The following NEK11 variants were observed in gnomAD, a reference collection of about 807,000 sequenced individuals.
NEK11 encodes NIMA related kinase 11.
In NEK11, 72 loss-of-function variants were observed where a neutral mutation model predicts 80.7. That is an observed-to-expected ratio of 0.89 (90% CI 0.74 to 1.08). The LOEUF (loss-of-function observed/expected upper bound fraction) is 1.08. Among genes scored for constraint, NEK11 ranks in the 50% least tolerant of loss-of-function variants. NEK11 has a pLI of 0.00. For missense variants in NEK11, 764 were observed against 763.6 expected, an observed-to-expected ratio of 1.00 and a Z score of -0.01; for synonymous variants, 251 against 260.7, an observed-to-expected ratio of 0.96 and a Z score of 0.36.
At chr3:131,212,080 G>A (rs1017195074) in intron 14 of NEK11, among the ~76,000 whole-genome samples, 10 of 152,132 alleles carry the variant, frequency 6.6e-5, no homozygotes, top group African/African-American at 1.7e-4. Flanking sequence ...TTCTTCTCTC[G>A]TTTCTCCCCA....
At chr3:131,215,297 T>G (rs1311545747) in intron 14 of NEK11, among the ~76,000 whole-genome samples, 1 of 147,148 alleles carries the variant, frequency 6.8e-6, no homozygotes, top group South Asian at 2.2e-4. Flanking sequence ...GGGGAAGGGA[T>G]AGCATTAGGA....
intron 15 of NEK11, among the ~76,000 whole-genome samples, chr3:131,233,210 A>G (rs527467962): frequency 3.3e-5 from 5 of 152,250 alleles, no homozygotes; most frequent in Admixed American, 3.3e-4. Context: ...GTCAAGAGGG[A>G]GCGCAAGGTG....
At position 131,155,046 on chromosome 3, in the gene NEK11, G is replaced by T. The variant is rs1426121463; in HGVS notation, c.887G>T (p.Cys296Phe). 6.2e-7 allele frequency: 1 copy of T among 1,602,896 alleles called. No individual in the cohort carries two copies. Among genetic ancestry groups the T allele is most frequent in the African/African-American group, 1.3e-5 (1 of 74,716 alleles). Residue 296 changes from cysteine to phenylalanine, a missense_variant, in exon 10 of 18, where the codon TGT (cysteine) becomes TTT (phenylalanine). Transcript: ENST00000383366. Reference protein sequence around the residue: ...YLDEQLQNLMCRYSEMTLEDK... With the variant: ...YLDEQLQNLMFRYSEMTLEDK... ...TGATCTTTTTTTCAGAACCTAATGT[G>T]TAGATATTCAGAAATGACTCTGGAA...
intron 5 of NEK11, among the ~76,000 whole-genome samples, chr3:131,121,526 C>T (rs559647933): frequency 2.0e-5 from 3 of 152,294 alleles, no homozygotes; most frequent in South Asian, 2.1e-4. Context: ...CAGACAGGGA[C>T]GTTTAAGTCT....
intron 4 of NEK11, 93 bp downstream of exon 4, chr3:131,080,681 C>A: frequency 9.4e-7 from 1 of 1,067,828 alleles, no homozygotes; most frequent in Non-Finnish European, 1.3e-6. Context: ...CCAATTATCA[C>A]ACCATAAATT....
chr3:131,266,965 A>G (rs2096070999), intron 16 of NEK11, among the ~76,000 whole-genome samples: 1 of 151,908 alleles, frequency 6.6e-6, no homozygotes, highest in African/African-American at 2.4e-5. Flanking sequence ...GTCTCTTTTA[A>G]TCTTTGTTGG....
intron 3 of NEK11, among the ~76,000 whole-genome samples, chr3:131,042,343 G>A (rs2066640760): frequency 6.6e-6 from 1 of 152,192 alleles, no homozygotes; most frequent in Non-Finnish European, 1.5e-5. Flanking sequence ...ATGGAACCCA[G>A]CAAGCTAAGA....
intron 3 of NEK11, among the ~76,000 whole-genome samples, chr3:131,036,410 A>G (rs1362854541): frequency 6.6e-6 from 1 of 152,190 alleles, no homozygotes; most frequent in African/African-American, 2.4e-5. Flanking sequence ...GGTCTGGGGT[A>G]TGGCCAAGGA....
At chr3:131,319,977 T>A (rs2096881621) in intron 17 of NEK11, among the ~76,000 whole-genome samples, 1 of 152,126 alleles carries the variant, frequency 6.6e-6, no homozygotes, top group Admixed American at 6.6e-5. Context: ...TTCTAATTAA[T>A]CTGAACTGTA....
chr3:131,042,806 C>T (rs1352356927), intron 3 of NEK11, among the ~76,000 whole-genome samples: 4 of 152,196 alleles, frequency 2.6e-5, no homozygotes, highest in Non-Finnish European at 5.9e-5. Flanking sequence ...ACCCCCGTGC[C>T]TCCTGATGGG....
Position 131,152,509 on chromosome 3 carries a change from C to G in NEK11, c.769C>G (p.Pro257Ala). The stretch of plus-strand genomic sequence containing the variant: ...CACACCTTCTCTCCCTGAGAGATAT[C>G]CAAAAGAACTAAATGCCATCATGGA... ...GDTPSLPERY[P>A]KELNAIMESM... Residue 257 changes from proline (P) to alanine (A), a missense_variant, in exon 8 of 18, where the codon CCA becomes GCA. By Grantham distance (27) the Pro-to-Ala change is conservative. Transcript: ENST00000383366. 1.2e-6 allele frequency: 2 copies of G among 1,613,186 alleles called. No individual in the cohort carries two copies. Among genetic ancestry groups the G allele is most frequent in the Non-Finnish European group, 1.7e-6 (2 of 1,179,570 alleles).
At chr3:131,136,308 A>C (rs2085548636) in intron 7 of NEK11, among the ~76,000 whole-genome samples, 1 of 152,196 alleles carries the variant, frequency 6.6e-6, no homozygotes, top group Non-Finnish European at 1.5e-5. Context: ...GGAAATAATA[A>C]GAGAGAACTA....
At chr3:131,241,376 G>A (rs1450360826) in intron 15 of NEK11, among the ~76,000 whole-genome samples, 1 of 151,934 alleles carries the variant, frequency 6.6e-6, no homozygotes, top group African/African-American at 2.4e-5. Context: ...CAATGATAAG[G>A]GTATGGATAA....
intron 16 of NEK11, among the ~76,000 whole-genome samples, chr3:131,248,487 G>A (rs1488401410): frequency 6.6e-6 from 1 of 151,930 alleles, no homozygotes; most frequent in Non-Finnish European, 1.5e-5. Context: ...AAATGCTTGG[G>A]GCACTTCCTG....
intron 16 of NEK11, among the ~76,000 whole-genome samples, chr3:131,251,525 A>C (rs760952121): frequency 6.6e-6 from 1 of 152,130 alleles, no homozygotes; most frequent in Non-Finnish European, 1.5e-5. Context: ...TAAAAAATAC[A>C]TATACCCTGA....
At chr3:131,110,167 G>C (rs2149349643) in intron 5 of NEK11, among the ~76,000 whole-genome samples, 1 of 152,228 alleles carries the variant, frequency 6.6e-6, no homozygotes, top group African/African-American at 2.4e-5. Flanking sequence ...ACAGAAATTT[G>C]TATTAAACAC....
At chr3:131,241,044 T>A (rs926670393) in intron 15 of NEK11, among the ~76,000 whole-genome samples, 6 of 152,162 alleles carry the variant, frequency 3.9e-5, no homozygotes, top group Admixed American at 3.3e-4. Context: ...TTATCAACCA[T>A]TTTTGGTTTT....
At chr3:131,084,035 A>G (rs1460749256) in intron 4 of NEK11, among the ~76,000 whole-genome samples, 1 of 152,116 alleles carries the variant, frequency 6.6e-6, no homozygotes, top group Non-Finnish European at 1.5e-5. Context: ...TCCCAGGCCC[A>G]GCTTAAATGC....
chr3:131,058,996 T>A (rs2070259369), intron 3 of NEK11, among the ~76,000 whole-genome samples: 1 of 152,204 alleles, frequency 6.6e-6, no homozygotes, highest in Non-Finnish European at 1.5e-5. Context: ...TCTTTTCATT[T>A]GGTTTTATAG....
Sources: allele counts gnomAD v4.1 joint callset (sites outside exome capture counted in the v4.1 genomes callset), GRCh38; gene constraint gnomAD v4.1.1; transcripts MANE v1.5; gene names NCBI Gene and HGNC (gene_info 2026-07-23, HGNC 2026-07-21).